The following SERP2 variants were observed in gnomAD, a reference collection of about 807,000 sequenced individuals.
The protein encoded by SERP2 is stress-associated endoplasmic reticulum protein 2.
A neutral mutation model predicts 9.1 loss-of-function variants in SERP2; 6 were observed. The ratio of observed to expected loss-of-function variants is 0.66; its 90% confidence interval spans 0.36 to 1.30. The LOEUF is 1.30. SERP2 is among the 50% of genes most tolerant of loss of function. The pLI is 0.03. For synonymous variants in SERP2, 37 were observed against 27.3 expected (o/e 1.35, Z -1.10); for missense variants, 58 against 81.9 (o/e 0.71, Z 1.13).
Position 44,395,806 on chromosome 13 carries a change from C to G in SERP2, c.158-1466C>G, listed in dbSNP as rs146176203. 37 of 456,826 alleles carry G rather than the reference C, an allele frequency of 8.1e-5. 1 individual carries two copies. Among genetic ancestry groups the G allele is most frequent in the South Asian group, 5.7e-4 (37 of 64,444 alleles). The allele number at this position is 456,826 out of a possible 1,614,324, so 28.3% of individuals were successfully genotyped here. A position where few individuals can be genotyped will look rare whatever the true frequency, so the allele number is the denominator to read the frequency against. ...CAGTTTCTGTTTTCAGCTTAGTCTACGGCAACAAAATAATAGTACAGGACC... is the reference window on the plus strand; with the variant it reads ...CAGTTTCTGTTTTCAGCTTAGTCTAGGGCAACAAAATAATAGTACAGGACC... On this transcript the variant is annotated intron_variant, in intron 2 of 2. Transcript: ENST00000379179.
chr13:44,395,332 C>T (rs968360477), intron 2 of SERP2, among the ~76,000 whole-genome samples: 1 of 152,134 alleles, frequency 6.6e-6, no homozygotes, highest in Non-Finnish European at 1.5e-5. Context: ...AGGCCGGGCA[C>T]GGTGGCTCAC....
intron 2 of SERP2, among the ~76,000 whole-genome samples, chr13:44,392,196 C>CAAAA (rs760513486): frequency 1.1e-4 from 4 of 35,988 alleles, no homozygotes; most frequent in African/African-American, 2.5e-4. Context: ...GACTCTGTCT[C>CAAAA]AAAAAAAAAA....
intron 2 of SERP2, among the ~76,000 whole-genome samples, chr13:44,387,179 T>C (rs1010865289): frequency 7.2e-5 from 11 of 152,184 alleles, no homozygotes; most frequent in African/African-American, 2.7e-4. Context: ...TGCTATCTTC[T>C]CAAGGCACTT....
rs145874881 is a variant in SERP2 at position 44,381,769 on chromosome 13, A to G, written c.157+2056A>G. Among the ~76,000 whole-genome samples the G allele has an allele frequency of 1.8e-3, 274 of 152,094 alleles. 2 individuals carry two copies. Among genetic ancestry groups the G allele is most frequent in the Middle Eastern group, 0.01 (3 of 294 alleles). On this transcript the variant is annotated intron_variant, in intron 2 of 2. Transcript: ENST00000379179. ...CTCTTCCTCAGATAAACTTCCTGCA[A>G]CCCCGGAAACACATCTACATACCCC...
Position 44,397,376 on chromosome 13 carries a change from G to A in SERP2, c.*64G>A. The A allele has an allele frequency of 7.8e-7, 1 of 1,277,386 alleles. No homozygotes were observed. The highest frequency in any genetic ancestry group is 1.1e-6 in the Non-Finnish European group (1 of 876,044). 79.1% of individuals were successfully genotyped at this position (1,277,386 alleles called of 1,614,324 possible). Reference sequence around the variant, plus strand: ...GGCGGGAGGACAACGGAAGCGGTCAGCCAGTTTCTGCGGGAAACAAGCAGG... The same window carrying A: ...GGCGGGAGGACAACGGAAGCGGTCAACCAGTTTCTGCGGGAAACAAGCAGG... On this transcript the variant is annotated 3_prime_UTR_variant, in exon 3 of 3. Transcript: ENST00000379179.
In SERP2 at chr13:44,397,628, T is replaced by C; in HGVS notation, c.*316T>C. ...TCACTAATGCGTGCATGTGGCCCTC[T>C]GAACGATCACTGGTTTACTTTCTAT... On this transcript the variant is annotated 3_prime_UTR_variant, in exon 3 of 3. Coordinates refer to ENST00000379179, the MANE Select transcript of SERP2 (RefSeq NM_001010897.3). The C allele has an allele frequency of 4.8e-6, 2 of 417,826 alleles. No homozygotes were observed. The highest frequency in any genetic ancestry group is 8.8e-6 in the Non-Finnish European group (2 of 226,940). The allele number at this position is 417,826 out of a possible 1,614,324, so 25.9% of individuals were successfully genotyped here.
chr13:44,387,654 A>C (rs1405653525), intron 2 of SERP2, among the ~76,000 whole-genome samples: 23 of 152,148 alleles, frequency 1.5e-4, no homozygotes, highest in Admixed American at 1.4e-3. Flanking sequence ...GATACCCTAC[A>C]TTGACAGGAT....
chr13:44,391,726 T>TG (rs374123696), intron 2 of SERP2, among the ~76,000 whole-genome samples: 1 of 152,146 alleles, frequency 6.6e-6, no homozygotes, highest in Non-Finnish European at 1.5e-5. Flanking sequence ...CTCCAGGGTT[T>TG]GGGGGGAAGG....
chr13:44,393,888 C>T (rs906379361), intron 2 of SERP2, among the ~76,000 whole-genome samples: 7 of 152,184 alleles, frequency 4.6e-5, no homozygotes, highest in Admixed American at 4.6e-4. Context: ...AGTCATCTCT[C>T]TGTTATCTTG....
At chr13:44,382,382 A>G (rs1243999537) in intron 2 of SERP2, among the ~76,000 whole-genome samples, 1 of 138,904 alleles carries the variant, frequency 7.2e-6, no homozygotes, top group African/African-American at 2.6e-5. Flanking sequence ...GCTTGCAGTG[A>G]GCCGAGATTG....
chr13:44,386,490 T>A (rs962113119), intron 2 of SERP2, among the ~76,000 whole-genome samples: 12 of 152,216 alleles, frequency 7.9e-5, no homozygotes, highest in African/African-American at 2.9e-4. Context: ...TTCAAGTGAT[T>A]CTCCTGTCTC....
chr13:44,394,795 G>C (rs78561500), intron 2 of SERP2, among the ~76,000 whole-genome samples: 5,922 of 152,270 alleles, frequency 0.039, 171 homozygotes, highest in Admixed American at 0.078. Flanking sequence ...CTGCATGCTG[G>C]GACAGGGAGA....
intron 1 of SERP2, among the ~76,000 whole-genome samples, chr13:44,379,143 A>G (rs1871820393): frequency 6.6e-6 from 1 of 152,182 alleles, no homozygotes; most frequent in South Asian, 2.1e-4. Flanking sequence ...TGTTAATGGA[A>G]AATACTCAGG....
chr13:44,397,578 T>C lies in SERP2; in HGVS notation c.*266T>C. 1 of 536,002 alleles carries C rather than the reference T, an allele frequency of 1.9e-6. No homozygotes were observed. Among genetic ancestry groups the C allele is most frequent in the Non-Finnish European group, 3.4e-6 (1 of 297,760 alleles). 33.2% of individuals were successfully genotyped at this position (536,002 alleles called of 1,614,324 possible). ...CCACGCGGGTCGTCCGCAGCAGTGCTGTTTTTTTGGTTTTTCCCTTGGTTT... is the reference window on the plus strand; with the variant it reads ...CCACGCGGGTCGTCCGCAGCAGTGCCGTTTTTTTGGTTTTTCCCTTGGTTT... On this transcript the variant is annotated 3_prime_UTR_variant, in exon 3 of 3. Transcript: ENST00000379179.
Position 44,397,612 on chromosome 13 carries a change from C to T in SERP2, c.*300C>T, listed in dbSNP as rs541599317. ...GGTTTTTCCCTTGGTTTCACTAATG[C>T]GTGCATGTGGCCCTCTGAACGATCA... On this transcript the variant is annotated 3_prime_UTR_variant, in exon 3 of 3. Transcript: ENST00000379179. 10 of 454,364 alleles carry T rather than the reference C, an allele frequency of 2.2e-5. No homozygotes were observed. The highest frequency in any genetic ancestry group is 7.2e-5 in the Admixed American group (2 of 27,868). The allele number at this position is 454,364 out of a possible 1,614,324, so 28.1% of individuals were successfully genotyped here.
chr13:44,392,196 C>CAAAAAAA lies in SERP2; in HGVS notation c.158-5065_158-5059dup, dbSNP rs760513486. On this transcript the variant is annotated intron_variant, in intron 2 of 2. Coordinates refer to ENST00000379179, the MANE Select transcript of SERP2 (RefSeq NM_001010897.3). Reference sequence around the variant, plus strand: ...CTGGTGACAGAGTGAGACTCTGTCTCAAAAAAAAAAAAAAAAAGCCCTGTG... The same window carrying CAAAAAAA: ...CTGGTGACAGAGTGAGACTCTGTCTCAAAAAAAAAAAAAAAAAAAAAAAAGCCCTGTG... Among the ~76,000 whole-genome samples, 16 of 35,986 alleles carry CAAAAAAA rather than the reference C, an allele frequency of 4.4e-4. 7 individuals are homozygous for CAAAAAAA. The highest frequency in any genetic ancestry group is 3.8e-3 in the South Asian group (2 of 532). 23.6% of individuals were successfully genotyped at this position (35,986 alleles called of 152,430 possible). A position where few individuals can be genotyped will look rare whatever the true frequency, so the allele number is the denominator to read the frequency against.
chr13:44,397,279 TCAG>T lies in SERP2; in HGVS notation c.166_168del (p.Gln56del), dbSNP rs779318430. The T allele has an allele frequency of 1.9e-6, 3 of 1,613,808 alleles. No individual in the cohort carries two copies. Among genetic ancestry groups the T allele is most frequent in the Non-Finnish European group, 2.5e-6 (3 of 1,179,770 alleles). On this transcript the variant is annotated inframe_deletion, in exon 3 of 3. Transcript: ENST00000379179. ...GTGTTTTCCTCTTTTCAGCTATCTTTCAGATCATTCAGAGCATAAGGATGGGCA... is the reference window on the plus strand; with the variant it reads ...GTGTTTTCCTCTTTTCAGCTATCTTTATCATTCAGAGCATAAGGATGGGCA...
At chr13:44,392,812 C>T (rs1397230917) in intron 2 of SERP2, among the ~76,000 whole-genome samples, 1 of 152,064 alleles carries the variant, frequency 6.6e-6, no homozygotes, top group African/African-American at 2.4e-5. Context: ...CACATTTGTG[C>T]ATCATCAACA....
chr13:44,374,977 G>C (rs1871563724), intron 1 of SERP2, among the ~76,000 whole-genome samples: 1 of 152,146 alleles, frequency 6.6e-6, no homozygotes, highest in African/African-American at 2.4e-5. Context: ...CTTACACTCA[G>C]GAGTTTCTTT....
Sources: allele counts gnomAD v4.1 joint callset (sites outside exome capture counted in the v4.1 genomes callset), GRCh38; gene constraint gnomAD v4.1.1; transcripts MANE v1.5; gene names NCBI Gene and HGNC (gene_info 2026-07-23, HGNC 2026-07-21).